The following BMPR2 variants were observed in gnomAD, a reference collection of about 807,000 sequenced individuals.
The protein encoded by BMPR2 is bone morphogenetic protein receptor type-2.
BMPR2 carries 29 observed loss-of-function variants against 100.8 expected under a neutral mutation model. The ratio of observed to expected loss-of-function variants is 0.29; its 90% confidence interval spans 0.21 to 0.39. The LOEUF is 0.39. Ranked by LOEUF, BMPR2 falls within the 10% of genes least tolerant of loss-of-function variation. The pLI is 1.00. For missense variants in BMPR2, 1,011 were observed against 1,274.5 expected (o/e 0.79, Z 3.15); for synonymous variants, 382 against 442.3 (o/e 0.86, Z 1.71).
intron 10 of BMPR2, among the ~76,000 whole-genome samples, chr2:202,545,493 A>T (rs1364983019): frequency 6.6e-6 from 1 of 152,136 alleles, no homozygotes; most frequent in East Asian, 1.9e-4. Flanking sequence ...AAGGACAAAA[A>T]GTGAAAAAAT....
At chr2:202,548,697 T>TC (rs947253010) in intron 10 of BMPR2, among the ~76,000 whole-genome samples, 10 of 152,136 alleles carry the variant, frequency 6.6e-5, no homozygotes, top group African/African-American at 2.4e-4. Flanking sequence ...TACTTTTTTT[T>TC]CCCCCTACTT....
intron 3 of BMPR2, among the ~76,000 whole-genome samples, chr2:202,476,714 G>A (rs542996509): frequency 7.0e-4 from 106 of 152,208 alleles, no homozygotes; most frequent in Non-Finnish European, 1.2e-3. Context: ...GCTGGAACCC[G>A]GGAGGCGGAA....
chr2:202,449,194 G>A (rs1244510705), intron 1 of BMPR2, among the ~76,000 whole-genome samples: 1 of 151,854 alleles, frequency 6.6e-6, no homozygotes, highest in Non-Finnish European at 1.5e-5. Context: ...TGTAATCTCG[G>A]TTACTCAGGA....
At chr2:202,448,379 G>A (rs1346782478) in intron 1 of BMPR2, among the ~76,000 whole-genome samples, 5 of 150,116 alleles carry the variant, frequency 3.3e-5, no homozygotes, top group East Asian at 2.0e-4. Context: ...CCCGGGAGGC[G>A]GAGCTTGCAG....
chr2:202,472,283 G>A (rs1350004074), intron 3 of BMPR2, among the ~76,000 whole-genome samples: 2 of 152,192 alleles, frequency 1.3e-5, no homozygotes. Flanking sequence ...CTTCTATTAG[G>A]AGATTGTATT....
intron 10 of BMPR2, among the ~76,000 whole-genome samples, chr2:202,551,777 G>A (rs1688482419): frequency 6.6e-6 from 1 of 151,990 alleles, no homozygotes; most frequent in South Asian, 2.1e-4. Context: ...TTGGCTCAGT[G>A]CAACCTCTGC....
Position 202,559,856 on chromosome 2 carries a change from T to G in BMPR2, c.3027T>G (p.Val1009=). 2 of 1,613,982 alleles carry G rather than the reference T, an allele frequency of 1.2e-6. No homozygotes were observed. The change falls in exon 13 of 13, where the codon GTT becomes GTG. Residue 1009 remains valine (V), a synonymous_variant. Coordinates refer to ENST00000374580, the MANE Select transcript of BMPR2 (RefSeq NM_001204.7). ...ACAATAATGGCAGTAACAGGGCAGT[T>G]CATTCCAAATCCAGCACTGCTGTTT... is the stretch of plus-strand genomic sequence containing the variant. ...EVNNNGSNRA[V]HSKSSTAVYL...
chr2:202,468,848 G>A (rs1692376126), intron 3 of BMPR2, among the ~76,000 whole-genome samples: 2 of 151,254 alleles, frequency 1.3e-5, no homozygotes, highest in Non-Finnish European at 2.9e-5. Flanking sequence ...AGGACTGGAA[G>A]GAAAATAAAA....
intron 1 of BMPR2, among the ~76,000 whole-genome samples, chr2:202,387,174 A>T (rs2105899801): frequency 6.6e-6 from 1 of 152,344 alleles, no homozygotes; most frequent in Middle Eastern, 3.4e-3. Context: ...ACTAGGAAAG[A>T]TTCTGAAAAT....
At chr2:202,403,676 C>T (rs1362121795) in intron 1 of BMPR2, among the ~76,000 whole-genome samples, 3 of 152,178 alleles carry the variant, frequency 2.0e-5, no homozygotes, top group Non-Finnish European at 4.4e-5. Context: ...TTCAAACCTA[C>T]TGAACATTTT....
chr2:202,428,164 G>A (rs1691429862), intron 1 of BMPR2, among the ~76,000 whole-genome samples: 1 of 152,146 alleles, frequency 6.6e-6, no homozygotes, highest in Non-Finnish European at 1.5e-5. Context: ...TTATAGGACA[G>A]AATATAATAT....
rs1250282278 is a variant in BMPR2 at position 202,523,862 on chromosome 2, C to T, written c.967+3661C>T. Among the ~76,000 whole-genome samples the T allele has an allele frequency of 2.0e-5, 3 of 152,250 alleles. No individual in the cohort carries two copies. In the East Asian group the frequency reaches 5.8e-4, roughly 29 times the overall value. On this transcript the variant is annotated intron_variant, in intron 7 of 12. Coordinates refer to ENST00000374580, the MANE Select transcript of BMPR2 (RefSeq NM_001204.7). ...CATACACCATCGAGTACTACACAGC[C>T]ATAAAAATGAATGAAATCATATCCT...
chr2:202,428,277 G>A (rs544305969), intron 1 of BMPR2, among the ~76,000 whole-genome samples: 193 of 151,998 alleles, frequency 1.3e-3, no homozygotes, highest in African/African-American at 4.5e-3. Flanking sequence ...CACACTGCCA[G>A]TCTCTCTCCC....
chr2:202,406,746 G>T (rs1164675430), intron 1 of BMPR2, among the ~76,000 whole-genome samples: 1 of 152,126 alleles, frequency 6.6e-6, no homozygotes, highest in Non-Finnish European at 1.5e-5. Context: ...CACACTAGAG[G>T]CTGTGACTTG....
At position 202,559,789 on chromosome 2, in the gene BMPR2, C is replaced by T. The variant is rs150642992; in HGVS notation, c.2960C>T (p.Ser987Phe). 8.9e-5 allele frequency: 143 copies of T among 1,614,064 alleles called. No individual in the cohort carries two copies. Among genetic ancestry groups the T allele is most frequent in the Non-Finnish European group, 1.1e-4 (135 of 1,180,014 alleles). Residue 987 changes from serine to phenylalanine, a missense_variant, in exon 13 of 13, where the codon TCC becomes TTC. Transcript: ENST00000374580. ...TPYSLKRWRP[S>F]TWVISTESLD... ...TATTCTCTTAAGCGGTGGCGCCCCT[C>T]CACCTGGGTCATCTCCACTGAATCG...
At chr2:202,554,369 G>A (rs370430860) in intron 11 of BMPR2, among the ~76,000 whole-genome samples, 12 of 151,736 alleles carry the variant, frequency 7.9e-5, no homozygotes, top group African/African-American at 2.4e-4. Flanking sequence ...TGTGTCATTC[G>A]GCTCAACCTT....
intron 10 of BMPR2, among the ~76,000 whole-genome samples, chr2:202,545,311 T>C (rs1403669442): frequency 2.7e-5 from 2 of 75,468 alleles, no homozygotes; most frequent in Non-Finnish European, 5.7e-5. Flanking sequence ...TACCCTTGTA[T>C]CAGTTATCTA....
At chr2:202,405,209 C>G (rs898596037) in intron 1 of BMPR2, among the ~76,000 whole-genome samples, 1 of 151,936 alleles carries the variant, frequency 6.6e-6, no homozygotes, top group Non-Finnish European at 1.5e-5. Flanking sequence ...TTTTGTGGTC[C>G]TGAAGCCTGA....
At chr2:202,439,958 A>G (rs1030509997) in intron 1 of BMPR2, among the ~76,000 whole-genome samples, 2 of 150,186 alleles carry the variant, frequency 1.3e-5, no homozygotes, top group Non-Finnish European at 2.9e-5. Flanking sequence ...TCTGTTTAAC[A>G]AAGCACATCT....
Sources: gnomAD v4.1 joint callset for allele counts (sites outside exome capture counted in the v4.1 genomes callset) on GRCh38, gnomAD v4.1.1 for gene constraint, MANE v1.5 for transcripts, NCBI Gene and HGNC (gene_info 2026-07-23, HGNC 2026-07-21) for gene names.